CDH12: variants seen among roughly 807,000 people sequenced by gnomAD.
CDH12 encodes the protein cadherin-12.
Under a neutral mutation model 74.1 loss-of-function variants are expected in CDH12, and 41 were observed. That is an observed-to-expected ratio of 0.55 (90% CI 0.43 to 0.72). The LOEUF (loss-of-function observed/expected upper bound fraction) is 0.72. Among genes scored for constraint, CDH12 ranks in the 30% least tolerant of loss-of-function variants. The probability of loss-of-function intolerance (pLI) is 0.00; values close to 1 mark genes in which losing one functional copy is unlikely to be tolerated. For missense variants in CDH12, 945 were observed against 977.2 expected (o/e 0.97, Z 0.44); for synonymous variants, 399 against 355.0 (o/e 1.12, Z -1.39).
intron 1 of CDH12, among the ~76,000 whole-genome samples, chr5:22,692,979 C>T (rs575199068): frequency 6.6e-6 from 1 of 151,648 alleles, no homozygotes; most frequent in Non-Finnish European, 1.5e-5. Context: ...ATTATTATTC[C>T]CTTTTGACTT....
At chr5:22,357,463 C>T (rs1035323370) in intron 3 of CDH12, among the ~76,000 whole-genome samples, 3 of 152,064 alleles carry the variant, frequency 2.0e-5, no homozygotes, top group African/African-American at 7.2e-5. Flanking sequence ...AAAAAACCAT[C>T]ATGATTTGTA....
At chr5:22,366,879 C>T (rs573494456) in intron 3 of CDH12, among the ~76,000 whole-genome samples, 2 of 152,254 alleles carry the variant, frequency 1.3e-5, no homozygotes, top group Non-Finnish European at 2.9e-5. Flanking sequence ...TTTATCTCTG[C>T]CATTTACTGG....
chr5:21,945,917 C>T (rs4591715), intron 6 of CDH12, among the ~76,000 whole-genome samples: 3 of 151,696 alleles, frequency 2.0e-5, no homozygotes, highest in Non-Finnish European at 4.4e-5. Flanking sequence ...AGACATAAAC[C>T]TAAATATTCA....
intron 5 of CDH12, among the ~76,000 whole-genome samples, chr5:21,976,150 T>C (rs1027265281): frequency 2.6e-5 from 4 of 152,198 alleles, no homozygotes; most frequent in African/African-American, 7.2e-5. Context: ...TGATTATCCT[T>C]TCAGATTCAC....
intron 2 of CDH12, among the ~76,000 whole-genome samples, chr5:22,438,779 T>C (rs1744507908): frequency 6.6e-6 from 1 of 151,926 alleles, no homozygotes; most frequent in Non-Finnish European, 1.5e-5. Context: ...AACTTGAATG[T>C]TAATTATATT....
chr5:21,965,773 T>C (rs188969445), intron 6 of CDH12, among the ~76,000 whole-genome samples: 2 of 152,258 alleles, frequency 1.3e-5, no homozygotes, highest in African/African-American at 2.4e-5. Flanking sequence ...TTTCCATTTT[T>C]TTCAGCATAC....
chr5:22,143,923 A>G (rs1203920890), intron 4 of CDH12: 2 of 152,304 alleles, frequency 1.3e-5, no homozygotes, highest in Non-Finnish European at 2.9e-5. Flanking sequence ...ATTTTCATTG[A>G]AATAAATGAC....
At chr5:22,256,755 G>T (rs1173320339) in intron 3 of CDH12, among the ~76,000 whole-genome samples, 1 of 152,032 alleles carries the variant, frequency 6.6e-6, no homozygotes, top group Admixed American at 6.6e-5. Flanking sequence ...GTGTGTTTGT[G>T]CCTTAGTTTT....
intron 4 of CDH12, among the ~76,000 whole-genome samples, chr5:22,202,201 T>TCCTTCCTTCCTTCCTTC (rs1561215524): frequency 6.9e-6 from 1 of 144,776 alleles, no homozygotes; most frequent in Non-Finnish European, 1.5e-5. Context: ...CTTCCTTCCT[T>TCCTTCCTTCCTTCCTTC]CTTTCAACAT....
At chr5:21,988,406 G>A (rs1414603850) in intron 5 of CDH12, among the ~76,000 whole-genome samples, 3 of 148,634 alleles carry the variant, frequency 2.0e-5, no homozygotes, top group Non-Finnish European at 4.4e-5. Context: ...GCAGGAGAAT[G>A]GCGTGAACCC....
chr5:22,560,147 C>G (rs924239647), intron 1 of CDH12, among the ~76,000 whole-genome samples: 1 of 152,158 alleles, frequency 6.6e-6, no homozygotes, highest in African/African-American at 2.4e-5. Context: ...TGGCAGTTCA[C>G]TTTCATTCAT....
At chr5:21,992,347 C>T (rs187014790) in intron 5 of CDH12, among the ~76,000 whole-genome samples, 242 of 152,214 alleles carry the variant, frequency 1.6e-3, no homozygotes, top group African/African-American at 5.7e-3. Context: ...TGATTTCAGG[C>T]TGTTGCATTT....
At chr5:22,267,128 C>T (rs1246041667) in intron 3 of CDH12, among the ~76,000 whole-genome samples, 1 of 152,074 alleles carries the variant, frequency 6.6e-6, no homozygotes, top group African/African-American at 2.4e-5. Context: ...AGCTCTTTTG[C>T]TTTACAGTTA....
At chr5:22,670,992 T>G (rs892377690) in intron 1 of CDH12, among the ~76,000 whole-genome samples, 4 of 151,928 alleles carry the variant, frequency 2.6e-5, no homozygotes, top group African/African-American at 9.7e-5. Context: ...TTAGTTAAGA[T>G]AGGGTTACTA....
chr5:22,299,272 T>C (rs551396434), intron 3 of CDH12, among the ~76,000 whole-genome samples: 9 of 151,878 alleles, frequency 5.9e-5, no homozygotes, highest in Non-Finnish European at 1.3e-4. Flanking sequence ...GAGAGAGAGA[T>C]AGCAGGAGTG....
At chr5:22,850,574 A>G (rs938588445) in intron 1 of CDH12, among the ~76,000 whole-genome samples, 5 of 152,258 alleles carry the variant, frequency 3.3e-5, no homozygotes, top group Admixed American at 2.0e-4. Flanking sequence ...AGGAATATCA[A>G]TTGGTACTAG....
intron 6 of CDH12, among the ~76,000 whole-genome samples, chr5:21,894,240 A>G (rs1288347966): frequency 6.6e-6 from 1 of 151,958 alleles, no homozygotes; most frequent in Non-Finnish European, 1.5e-5. Flanking sequence ...TTAGCCAGGC[A>G]TGGTGGCATG....
chr5:22,392,861 T>G (rs1303347866), intron 3 of CDH12, among the ~76,000 whole-genome samples: 1 of 152,148 alleles, frequency 6.6e-6, no homozygotes, highest in African/African-American at 2.4e-5. Flanking sequence ...TTTCTCACAC[T>G]GTTCTACAGT....
At chr5:22,003,302 T>C (rs2150145666) in intron 5 of CDH12, among the ~76,000 whole-genome samples, 1 of 152,296 alleles carries the variant, frequency 6.6e-6, no homozygotes, top group Admixed American at 6.5e-5. Flanking sequence ...CTGGAATTAG[T>C]TAATGAAGTC....
Sources: allele counts gnomAD v4.1 joint callset (sites outside exome capture counted in the v4.1 genomes callset), GRCh38; gene constraint gnomAD v4.1.1; transcripts MANE v1.5; gene names NCBI Gene and HGNC (gene_info 2026-07-23, HGNC 2026-07-21).